The following TAOK1 variants were observed in gnomAD, a reference collection of about 807,000 sequenced individuals.
TAOK1 encodes TAO kinase 1.
In TAOK1, 21 loss-of-function variants were observed where a neutral mutation model predicts 138.3. That is an observed-to-expected ratio of 0.15 (90% confidence interval 0.11 to 0.22). The LOEUF is 0.22. TAOK1 is among the 10% of genes least tolerant of loss of function. The pLI, the probability that TAOK1 is intolerant of heterozygous loss-of-function variation, is 1.00. For synonymous variants in TAOK1, 361 were observed against 398.4 expected (o/e 0.91, Z 1.12); for missense variants, 651 against 1,227.7 (o/e 0.53, Z 7.02).
chr17:29,493,854 G>A (rs1414379605), intron 10 of TAOK1, among the ~76,000 whole-genome samples: 1 of 152,002 alleles, frequency 6.6e-6, no homozygotes, highest in African/African-American at 2.4e-5. Context: ...AAGTGATTTG[G>A]GCACAAACAT....
At chr17:29,397,825 GTATA>G (rs1013175079) in intron 1 of TAOK1, among the ~76,000 whole-genome samples, 4 of 150,184 alleles carry the variant, frequency 2.7e-5, no homozygotes, top group African/African-American at 4.9e-5. Flanking sequence ...GTATATACAT[GTATA>G]TATATGTGTA....
At chr17:29,527,129 A>G (rs769051076) in intron 17 of TAOK1, among the ~76,000 whole-genome samples, 10 of 151,126 alleles carry the variant, frequency 6.6e-5, no homozygotes, top group Non-Finnish European at 1.3e-4. Context: ...TTTCTCAGGG[A>G]AAAAAAAAGA....
rs867458307 is a variant in TAOK1, at chr17:29,429,122, G to A, written c.-94-22333G>A. On this transcript the variant is annotated intron_variant, in intron 1 of 19. Transcript: ENST00000261716. ...TTAGAACTTAATGCCTTTCTAGGTG[G>A]GTATTCTTATGGAAGCAGATGGGAA... Among the ~76,000 whole-genome samples the A allele has an allele frequency of 2.6e-5, 4 of 151,864 alleles. No homozygotes were observed. The South Asian group carries it at 8.3e-4, about 32-fold the overall frequency.
intron 8 of TAOK1, among the ~76,000 whole-genome samples, chr17:29,483,490 T>C (rs1045247758): frequency 6.6e-6 from 1 of 152,220 alleles, no homozygotes; most frequent in Non-Finnish European, 1.5e-5. Flanking sequence ...TTTTCTAAAA[T>C]AAGTATAGGG....
intron 1 of TAOK1, among the ~76,000 whole-genome samples, chr17:29,421,987 T>A (rs1190399767): frequency 6.6e-6 from 1 of 151,886 alleles, no homozygotes; most frequent in Non-Finnish European, 1.5e-5. Context: ...AAGCTCCATC[T>A]CCCGGGTTCA....
chr17:29,435,150 T>C (rs531402341), intron 1 of TAOK1, among the ~76,000 whole-genome samples: 1 of 152,312 alleles, frequency 6.6e-6, no homozygotes, highest in Admixed American at 6.5e-5. Flanking sequence ...AACTAGAATA[T>C]TGGTCCAGAT....
At position 29,498,400 on chromosome 17, in the gene TAOK1, C is replaced by T. The variant is rs751562772; in HGVS notation, c.1082C>T (p.Ala361Val). 1.2e-6 allele frequency: 2 copies of T among 1,614,034 alleles called. No homozygotes were observed. The highest frequency in any genetic ancestry group is 1.7e-5 in the Admixed American group (1 of 59,994). ...TCCATTCCCAGCATGTCCATCAGTG[C>T]CAGCAGCCAAAGCAGTAGTGTTAAC... is the stretch of plus-strand genomic sequence containing the variant. ...NQSIPSMSIS[A>V]SSQSSSVNSL... The change falls in exon 12 of 20, where the codon GCC becomes GTC. Residue 361 changes from alanine to valine, a missense_variant. Coordinates refer to ENST00000261716, the MANE Select transcript of TAOK1 (RefSeq NM_020791.4).
intron 1 of TAOK1, among the ~76,000 whole-genome samples, chr17:29,405,938 A>G (rs1189206626): frequency 5.9e-5 from 9 of 152,176 alleles, no homozygotes; most frequent in Non-Finnish European, 1.0e-4. Flanking sequence ...TGTATTTATT[A>G]ATACATTTTT....
intron 1 of TAOK1, among the ~76,000 whole-genome samples, chr17:29,446,882 G>A (rs2030094195): frequency 6.6e-6 from 1 of 151,760 alleles, no homozygotes; most frequent in Non-Finnish European, 1.5e-5. Flanking sequence ...GGGATTACAG[G>A]CGTGCACCAC....
At chr17:29,468,199 C>T (rs1242884946) in intron 3 of TAOK1, among the ~76,000 whole-genome samples, 16 of 136,648 alleles carry the variant, frequency 1.2e-4, no homozygotes, top group East Asian at 2.5e-4. Flanking sequence ...TGCAGTGGTG[C>T]GATCTCAGCT....
rs530834429 is a variant in TAOK1 at position 29,425,969 on chromosome 17, C to T, written c.-94-25486C>T. 6.5e-4 allele frequency among the ~76,000 whole-genome samples: 99 copies of T among 152,316 alleles called. 1 individual carries two copies. The highest frequency in any genetic ancestry group is 1.2e-3 in the Non-Finnish European group (82 of 68,038). ...GATCTCGGCTCACTGCAAGCTCCGC[C>T]TTCTGGGTTCACGCCATTCTCCTGC... is the stretch of plus-strand genomic sequence containing the variant. On this transcript the variant is annotated intron_variant, in intron 1 of 19. Coordinates refer to ENST00000261716, the MANE Select transcript of TAOK1 (RefSeq NM_020791.4).
At chr17:29,432,625 C>G (rs969850202) in intron 1 of TAOK1, among the ~76,000 whole-genome samples, 1 of 151,472 alleles carries the variant, frequency 6.6e-6, no homozygotes, top group Non-Finnish European at 1.5e-5. Context: ...CCACTGTGCC[C>G]GGCCTGCCTG....
At chr17:29,395,858 G>A (rs751253175) in intron 1 of TAOK1, among the ~76,000 whole-genome samples, 225 of 101,664 alleles carry the variant, frequency 2.2e-3, no homozygotes, top group South Asian at 5.0e-3. Flanking sequence ...TGTAGAGATG[G>A]GGTTTTGCCA....
At chr17:29,402,993 C>CAA (rs1179657750) in intron 1 of TAOK1, among the ~76,000 whole-genome samples, 74 of 126,580 alleles carry the variant, frequency 5.8e-4, no homozygotes, top group African/African-American at 1.8e-3. Flanking sequence ...AACTTAGTCT[C>CAA]AAAAAAAAAA....
chr17:29,415,041 C>A (rs1227825398), intron 1 of TAOK1, among the ~76,000 whole-genome samples: 1 of 151,910 alleles, frequency 6.6e-6, no homozygotes, highest in Non-Finnish European at 1.5e-5. Flanking sequence ...TTGACCTAGG[C>A]TCACTGCAAC....
chr17:29,485,269 A>G (rs2031147138), intron 8 of TAOK1, among the ~76,000 whole-genome samples: 2 of 152,218 alleles, frequency 1.3e-5, no homozygotes, highest in South Asian at 4.1e-4. Flanking sequence ...TACCATTTTT[A>G]ATTACATAAA....
intron 1 of TAOK1, among the ~76,000 whole-genome samples, chr17:29,447,659 ATT>A (rs1158926971): frequency 2.0e-5 from 3 of 147,184 alleles, no homozygotes; most frequent in Admixed American, 6.9e-5. Flanking sequence ...ATTTTATTTT[ATT>A]TTTTTTTTTT....
chr17:29,397,643 T>C (rs1458091041), intron 1 of TAOK1, among the ~76,000 whole-genome samples: 2 of 138,436 alleles, frequency 1.4e-5, no homozygotes, highest in Admixed American at 7.1e-5. Context: ...TGTATACATG[T>C]ATATATGTAT....
At chr17:29,413,881 C>CTTTTTT (rs34539579) in intron 1 of TAOK1, among the ~76,000 whole-genome samples, 30 of 101,232 alleles carry the variant, frequency 3.0e-4, no homozygotes, top group East Asian at 9.8e-4. Context: ...TTTCTGGCTT[C>CTTTTTT]TTTTTTTTTT....
Sources: gnomAD v4.1 joint callset for allele counts (sites outside exome capture counted in the v4.1 genomes callset) on GRCh38, gnomAD v4.1.1 for gene constraint, MANE v1.5 for transcripts, NCBI Gene and HGNC (gene_info 2026-07-23, HGNC 2026-07-21) for gene names.